Variants in CTBP2 observed in about 807,000 individuals in gnomAD.
CTBP2 encodes C-terminal-binding protein 2.
In CTBP2, 30 loss-of-function variants were observed where a neutral mutation model predicts 80.3. The ratio of observed to expected loss-of-function variants is 0.37; its 90% CI spans 0.28 to 0.51. The LOEUF (loss-of-function observed/expected upper bound fraction) is 0.51. Among genes scored for constraint, CTBP2 ranks in the 20% least tolerant of loss-of-function variants. CTBP2 has a pLI of 0.93. For synonymous variants in CTBP2, 594 were observed against 587.4 expected (o/e 1.01, Z -0.16); for missense variants, 1,212 against 1,375.3 (o/e 0.88, Z 1.88).
At chr10:125,040,454 TAAAAAAAAA>T (rs747855375) in intron 2 of CTBP2, among the ~76,000 whole-genome samples, 3 of 104,450 alleles carry the variant, frequency 2.9e-5, no homozygotes, top group Non-Finnish European at 5.4e-5. Flanking sequence ...ACTCTGTCTT[TAAAAAAAAA>T]AAAAAAAAAA....
At chr10:124,995,289 G>A (rs1308127959) in intron 4 of CTBP2, among the ~76,000 whole-genome samples, 1 of 152,148 alleles carries the variant, frequency 6.6e-6, no homozygotes, top group Non-Finnish European at 1.5e-5. Flanking sequence ...GGGGCCTCGC[G>A]CCCATCTGCA....
chr10:125,026,644 G>C lies in CTBP2; in HGVS notation c.1116C>G (p.Phe372Leu). Reference sequence around the variant, plus strand: ...CATGGAGCAGTTCGCTTCGGTGGCTGAAGCTGCTGGACCGCGCCCGGGGCA... The same window carrying C: ...CATGGAGCAGTTCGCTTCGGTGGCTCAAGCTGCTGGACCGCGCCCGGGGCA... The change falls in exon 1 of 9, where the codon TTC becomes TTG. Residue 372 changes from phenylalanine to leucine, a missense_variant. By Grantham distance (22) the Phe-to-Leu change is conservative. Transcript: ENST00000309035. 1 of 1,585,994 alleles carries C rather than the reference G, an allele frequency of 6.3e-7. No homozygotes were observed. Among genetic ancestry groups the C allele is most frequent in the Non-Finnish European group, 8.6e-7 (1 of 1,166,828 alleles).
intron 3 of CTBP2, among the ~76,000 whole-genome samples, chr10:125,035,445 G>C (rs1175461386): frequency 6.6e-6 from 1 of 152,166 alleles, no homozygotes; most frequent in South Asian, 2.1e-4. Context: ...ATCCTCGGGG[G>C]ACCATTTTCC....
At chr10:125,085,709 T>C (rs1847870610) in intron 2 of CTBP2, among the ~76,000 whole-genome samples, 1 of 152,240 alleles carries the variant, frequency 6.6e-6, no homozygotes, top group Non-Finnish European at 1.5e-5. Context: ...ACAGGGACTC[T>C]CGCAGCTGGG....
chr10:125,114,022 C>A (rs1852744357), intron 1 of CTBP2, among the ~76,000 whole-genome samples: 1 of 152,202 alleles, frequency 6.6e-6, no homozygotes. Context: ...TTCAAAAATA[C>A]TTGTTTCAGC....
rs77870298 is a variant in CTBP2, at chr10:124,993,254, C to T, written c.2607G>A (p.Ala869=). 122 of 1,606,386 alleles carry T rather than the reference C, an allele frequency of 7.6e-5. No homozygotes were observed. The East Asian group carries it at 2.2e-3, about 29-fold the overall frequency. Reference sequence around the variant, plus strand: ...CAGCTGCCTCCCTCATCTCCAGTGACGCCTGCTCACTGTACCAGGCAGTGT... The same window carrying T: ...CAGCTGCCTCCCTCATCTCCAGTGATGCCTGCTCACTGTACCAGGCAGTGT... Residue 869 remains alanine (A), a synonymous_variant, in exon 7 of 9, where the codon GCG becomes GCA. Coordinates refer to ENST00000309035, the MANE Select transcript of CTBP2 (RefSeq NM_022802.3).
Position 124,988,596 on chromosome 10 carries a change from T to TA in CTBP2, c.*921dup, listed in dbSNP as rs1308201723. ...ATGAATAGAACATGTAACTAGTTGA[T>TA]ACAAATCTAATAGGATTTGTTAAAA... On this transcript the variant is annotated 3_prime_UTR_variant, in exon 9 of 9. Coordinates refer to ENST00000309035, the MANE Select transcript of CTBP2 (RefSeq NM_022802.3). 1.3e-5 allele frequency: 2 copies of TA among 152,700 alleles called. No individual in the cohort carries two copies. Among genetic ancestry groups the TA allele is most frequent in the African/African-American group, 2.4e-5 (1 of 41,466 alleles). 9.5% of individuals were successfully genotyped at this position (152,700 alleles called of 1,614,324 possible). A position where few individuals can be genotyped will look rare whatever the true frequency, so the allele number is the denominator to read the frequency against.
chr10:125,058,683 C>T (rs1196125328), intron 2 of CTBP2, among the ~76,000 whole-genome samples: 1 of 151,926 alleles, frequency 6.6e-6, no homozygotes, highest in African/African-American at 2.4e-5. Flanking sequence ...TCACCTGAGG[C>T]CGGGAGTTCG....
At chr10:125,159,407 C>T (rs892822168) in intron 1 of CTBP2, among the ~76,000 whole-genome samples, 1 of 144,778 alleles carries the variant, frequency 6.9e-6, no homozygotes, top group African/African-American at 2.5e-5. Context: ...ATGCCCGGCC[C>T]GCCCGGCCCC....
chr10:125,083,904 C>T (rs997447299), intron 2 of CTBP2, among the ~76,000 whole-genome samples: 7 of 152,134 alleles, frequency 4.6e-5, no homozygotes, highest in Admixed American at 2.0e-4. Flanking sequence ...CTCAGCTTCC[C>T]GAGTAGCTGG....
At chr10:125,076,698 G>C (rs766258858) in intron 2 of CTBP2, among the ~76,000 whole-genome samples, 10 of 152,220 alleles carry the variant, frequency 6.6e-5, no homozygotes, top group Non-Finnish European at 8.8e-5. Flanking sequence ...GTGCCAGTCA[G>C]GTCGGCGTTG....
intron 1 of CTBP2, among the ~76,000 whole-genome samples, chr10:125,007,553 A>G (rs1241185084): frequency 6.6e-6 from 1 of 152,218 alleles, no homozygotes; most frequent in African/African-American, 2.4e-5. Context: ...AAGGATCCGG[A>G]GCTGGAAAAC....
At chr10:124,996,761 T>TG (rs1180007438) in intron 4 of CTBP2, 2 of 151,862 alleles carry the variant, frequency 1.3e-5, no homozygotes, top group East Asian at 3.9e-4. Flanking sequence ...GCTTCAGAGA[T>TG]GGAGATGAAG....
intron 2 of CTBP2, among the ~76,000 whole-genome samples, chr10:125,099,165 G>A (rs555783856): frequency 5.4e-4 from 82 of 152,350 alleles, no homozygotes; most frequent in African/African-American, 1.9e-3. Context: ...CATGCTGGGT[G>A]TGCAACTGAA....
chr10:125,053,264 G>A (rs1395363838), intron 2 of CTBP2, among the ~76,000 whole-genome samples: 1 of 152,056 alleles, frequency 6.6e-6, no homozygotes, highest in Non-Finnish European at 1.5e-5. Context: ...CTCCAGGAAG[G>A]ATCCAGTGCA....
intron 2 of CTBP2, among the ~76,000 whole-genome samples, chr10:125,098,657 GGA>G (rs565818097): frequency 0.14 from 6,437 of 44,786 alleles, 381 homozygotes; most frequent in South Asian, 0.21. Flanking sequence ...TGGGGGAGGG[GGA>G]GAGAGAGAGA....
intron 2 of CTBP2, among the ~76,000 whole-genome samples, chr10:125,054,131 T>C (rs919604074): frequency 1.3e-5 from 2 of 150,816 alleles, no homozygotes; most frequent in Non-Finnish European, 3.0e-5. Flanking sequence ...CATGACCCTC[T>C]CCCTGAATAA....
rs1952090721 is a variant in CTBP2, at chr10:124,987,673, G to A, written c.*1845C>T. On this transcript the variant is annotated 3_prime_UTR_variant, in exon 9 of 9. Transcript: ENST00000309035. ...GCTTGTGTTAATAGACACTTTTATGGTAGAGTTGGGATGGGGCCACCACCT... is the reference window on the plus strand; with the variant it reads ...GCTTGTGTTAATAGACACTTTTATGATAGAGTTGGGATGGGGCCACCACCT... The A allele has an allele frequency of 6.6e-6, 1 of 152,128 alleles. No individual in the cohort carries two copies. Among genetic ancestry groups the A allele is most frequent in the African/African-American group, 2.4e-5 (1 of 41,428 alleles). The allele number at this position is 152,128 out of a possible 1,614,324, so 9.4% of individuals were successfully genotyped here.
intron 2 of CTBP2, among the ~76,000 whole-genome samples, chr10:125,085,867 T>G (rs60660270): frequency 5.7e-4 from 87 of 152,352 alleles, no homozygotes; most frequent in African/African-American, 1.9e-3. Flanking sequence ...TAGCCCAGTG[T>G]CTGGAAGCTC....
Sources: gnomAD v4.1 joint callset for allele counts (sites outside exome capture counted in the v4.1 genomes callset) on GRCh38, gnomAD v4.1.1 for gene constraint, MANE v1.5 for transcripts, NCBI Gene and HGNC (gene_info 2026-07-23, HGNC 2026-07-21) for gene names.